The following TTC28 variants were observed in gnomAD, a reference collection of about 807,000 sequenced individuals.
TTC28 encodes the protein tetratricopeptide repeat domain 28.
Under a neutral mutation model 198.0 loss-of-function variants are expected in TTC28, and 61 were observed. That is an observed-to-expected ratio of 0.31 (90% confidence interval 0.25 to 0.38). TTC28 has a LOEUF of 0.38. Ranked by LOEUF, TTC28 falls within the 10% of genes least tolerant of loss-of-function variation. TTC28 has a pLI of 1.00. For synonymous variants in TTC28, 1,171 were observed against 1,297.8 expected (o/e 0.90, Z 2.10); for missense variants, 2,678 against 3,164.0 (o/e 0.85, Z 3.69).
chr22:28,052,708 A>C (rs1368694238), intron 12 of TTC28, among the ~76,000 whole-genome samples: 1 of 152,218 alleles, frequency 6.6e-6, no homozygotes, highest in Non-Finnish European at 1.5e-5. Flanking sequence ...CGAGTGTTTT[A>C]TTTCCTTATG....
intron 2 of TTC28, among the ~76,000 whole-genome samples, chr22:28,501,906 G>A (rs992061438): frequency 6.6e-6 from 1 of 152,078 alleles, no homozygotes; most frequent in Non-Finnish European, 1.5e-5. Flanking sequence ...CTCTTTTGAT[G>A]CGAAGAATTT....
chr22:28,343,720 C>T (rs2045867224), intron 2 of TTC28, among the ~76,000 whole-genome samples: 1 of 152,200 alleles, frequency 6.6e-6, no homozygotes, highest in Non-Finnish European at 1.5e-5. Context: ...GGAGCCTGTT[C>T]TGTCTGCACC....
At chr22:28,577,162 G>A (rs890841941) in intron 2 of TTC28, among the ~76,000 whole-genome samples, 4 of 151,978 alleles carry the variant, frequency 2.6e-5, no homozygotes, top group Admixed American at 2.0e-4. Context: ...ACAATGGTAT[G>A]CTGTGTTTCC....
intron 2 of TTC28, among the ~76,000 whole-genome samples, chr22:28,469,302 T>C (rs1429194278): frequency 6.6e-6 from 1 of 152,178 alleles, no homozygotes; most frequent in Admixed American, 6.5e-5. Flanking sequence ...CAGAGAAAGC[T>C]AGTCTTCAGA....
chr22:28,078,880 G>A (rs1188374040), intron 12 of TTC28, among the ~76,000 whole-genome samples: 1 of 152,160 alleles, frequency 6.6e-6, no homozygotes, highest in African/African-American at 2.4e-5. Flanking sequence ...CACAACAAGA[G>A]CAGGGGGCAG....
intron 1 of TTC28, among the ~76,000 whole-genome samples, chr22:28,651,112 C>T (rs2051556932): frequency 6.6e-6 from 1 of 152,140 alleles, no homozygotes; most frequent in Admixed American, 6.5e-5. Flanking sequence ...GAAAGTATGC[C>T]AACCTCTGAT....
At chr22:28,151,418 G>GC (rs1418797698) in intron 6 of TTC28, among the ~76,000 whole-genome samples, 1 of 152,178 alleles carries the variant, frequency 6.6e-6, no homozygotes, top group Non-Finnish European at 1.5e-5. Context: ...AGCCTCTCTT[G>GC]CAACAGTCCA....
chr22:28,130,473 T>C (rs1260851149), intron 6 of TTC28, among the ~76,000 whole-genome samples: 1 of 152,240 alleles, frequency 6.6e-6, no homozygotes, highest in African/African-American at 2.4e-5. Flanking sequence ...TAGCATAAAA[T>C]TATTAGCATA....
At chr22:28,481,756 A>G (rs2048249970) in intron 2 of TTC28, among the ~76,000 whole-genome samples, 1 of 152,170 alleles carries the variant, frequency 6.6e-6, no homozygotes, top group African/African-American at 2.4e-5. Flanking sequence ...TCATTCCTCT[A>G]GGAAGAAAGA....
At chr22:28,248,192 G>A (rs915444714) in intron 5 of TTC28, among the ~76,000 whole-genome samples, 9 of 152,162 alleles carry the variant, frequency 5.9e-5, no homozygotes, top group African/African-American at 2.2e-4. Context: ...AACAGCATGT[G>A]TTCTTGTATT....
intron 2 of TTC28, among the ~76,000 whole-genome samples, chr22:28,461,648 C>T (rs553669338): frequency 6.6e-6 from 1 of 152,190 alleles, no homozygotes; most frequent in Non-Finnish European, 1.5e-5. Context: ...AGGCTCGTCT[C>T]GAACTCCTGA....
At chr22:28,344,643 A>C (rs1340001484) in intron 2 of TTC28, among the ~76,000 whole-genome samples, 1 of 152,182 alleles carries the variant, frequency 6.6e-6, no homozygotes, top group Non-Finnish European at 1.5e-5. Flanking sequence ...CTAATTCTAT[A>C]ATCTTCATGC....
At chr22:28,235,874 C>T (rs1211570024) in intron 5 of TTC28, among the ~76,000 whole-genome samples, 1 of 152,214 alleles carries the variant, frequency 6.6e-6, no homozygotes, top group African/African-American at 2.4e-5. Flanking sequence ...ATTCCTGGAA[C>T]CCTCTTCTTT....
chr22:28,290,677 C>T (rs2044771213), intron 5 of TTC28, among the ~76,000 whole-genome samples: 1 of 152,032 alleles, frequency 6.6e-6, no homozygotes. Flanking sequence ...TTTGGGAGGC[C>T]AAGGTGAGGG....
At chr22:28,466,820 TACACACACACACACACAC>T (rs58512456) in intron 2 of TTC28, among the ~76,000 whole-genome samples, 1 of 143,808 alleles carries the variant, frequency 7.0e-6, no homozygotes. Flanking sequence ...TATACATACA[TACACACACACACACACAC>T]ACACACACAC....
intron 2 of TTC28, among the ~76,000 whole-genome samples, chr22:28,413,430 A>T (rs766732263): frequency 1.6e-4 from 25 of 152,186 alleles, no homozygotes; most frequent in Non-Finnish European, 3.1e-4. Flanking sequence ...AATTAAAAAA[A>T]AAAGTTTCTA....
At chr22:28,255,518 C>T (rs1186052340) in intron 5 of TTC28, among the ~76,000 whole-genome samples, 1 of 151,992 alleles carries the variant, frequency 6.6e-6, no homozygotes. Context: ...CCTGTCTCTG[C>T]TAAAAACACA....
At chr22:28,468,177 G>T (rs2048049948) in intron 2 of TTC28, among the ~76,000 whole-genome samples, 1 of 152,134 alleles carries the variant, frequency 6.6e-6, no homozygotes, top group Non-Finnish European at 1.5e-5. Context: ...ATGTGAGCAT[G>T]GTTTGGGGGC....
chr22:28,373,821 G>A (rs134520), intron 2 of TTC28, among the ~76,000 whole-genome samples: 149,082 of 152,244 alleles, frequency 0.98, 72,990 homozygotes, highest in East Asian at 0.99. Context: ...AACATAAAAA[G>A]CAGTTAAGGT....
Sources: allele counts gnomAD v4.1 joint callset (sites outside exome capture counted in the v4.1 genomes callset), GRCh38; gene constraint gnomAD v4.1.1; transcripts MANE v1.5; gene names NCBI Gene and HGNC (gene_info 2026-07-23, HGNC 2026-07-21).